PALD1: variants seen among roughly 807,000 people sequenced by gnomAD.
The protein encoded by PALD1 is phosphatase domain containing paladin 1, also known as paladin.
In PALD1, 57 loss-of-function variants were observed where a neutral mutation model predicts 96.0. The observed-to-expected ratio is 0.59, with a 90% CI of 0.48 to 0.74. The LOEUF is 0.74. Ranked by LOEUF, PALD1 falls within the 30% of genes least tolerant of loss-of-function variation. PALD1 has a pLI of 0.00. For missense variants in PALD1, 1,063 were observed against 1,143.7 expected, an observed-to-expected ratio of 0.93 and a Z score of 1.02; for synonymous variants, 464 against 473.6, an observed-to-expected ratio of 0.98 and a Z score of 0.26.
At chr10:70,490,090 T>C (rs1846075375) in intron 1 of PALD1, among the ~76,000 whole-genome samples, 1 of 152,094 alleles carries the variant, frequency 6.6e-6, no homozygotes, top group Admixed American at 6.5e-5. Context: ...GCCCAGCTAA[T>C]TTTTGTATTT....
At chr10:70,514,222 C>T (rs1200577059) in intron 1 of PALD1, among the ~76,000 whole-genome samples, 1 of 152,194 alleles carries the variant, frequency 6.6e-6, no homozygotes, top group Admixed American at 6.5e-5. Flanking sequence ...TCCTTCCTGC[C>T]AGGACTTGGC....
chr10:70,502,111 C>T (rs1205121316), intron 1 of PALD1, among the ~76,000 whole-genome samples: 1 of 152,158 alleles, frequency 6.6e-6, no homozygotes, highest in African/African-American at 2.4e-5. Context: ...CCAACCTGGG[C>T]AACATAGTGA....
At chr10:70,511,901 C>T (rs1177560673) in intron 1 of PALD1, among the ~76,000 whole-genome samples, 1 of 152,102 alleles carries the variant, frequency 6.6e-6, no homozygotes, top group Non-Finnish European at 1.5e-5. Context: ...GTGGCGGGTG[C>T]CTGTAGTCCC....
chr10:70,520,337 G>T (rs900452984), intron 1 of PALD1, among the ~76,000 whole-genome samples: 1 of 152,222 alleles, frequency 6.6e-6, no homozygotes, highest in African/African-American at 2.4e-5. Flanking sequence ...TAGATTCGAG[G>T]TGGGGAAACC....
At chr10:70,547,895 G>A (rs1055558477) in intron 18 of PALD1, among the ~76,000 whole-genome samples, 1 of 152,160 alleles carries the variant, frequency 6.6e-6, no homozygotes, top group Non-Finnish European at 1.5e-5. Context: ...CAACTAGCAC[G>A]GAGGCTGTCA....
intron 17 of PALD1, among the ~76,000 whole-genome samples, 182 bp downstream of exon 17, chr10:70,541,716 C>T (rs945671955): frequency 2.6e-5 from 4 of 152,210 alleles, no homozygotes; most frequent in Non-Finnish European, 4.4e-5. Flanking sequence ...GACAGCTTGG[C>T]TCTGAGGCCC....
chr10:70,517,318 G>T (rs1006782872), intron 1 of PALD1, among the ~76,000 whole-genome samples: 1 of 151,792 alleles, frequency 6.6e-6, no homozygotes, highest in East Asian at 1.9e-4. Context: ...TTCATACAAT[G>T]AAATTACCCC....
At chr10:70,544,018 C>A (rs747949075) in intron 17 of PALD1, among the ~76,000 whole-genome samples, 2 of 152,152 alleles carry the variant, frequency 1.3e-5, no homozygotes, top group Non-Finnish European at 2.9e-5. Flanking sequence ...CCTATCCTCA[C>A]CCACCCCCAG....
chr10:70,491,320 A>G (rs1173962386), intron 1 of PALD1, among the ~76,000 whole-genome samples: 1 of 152,168 alleles, frequency 6.6e-6, no homozygotes, highest in Non-Finnish European at 1.5e-5. Context: ...TGCTGTCAAC[A>G]TGCACATGGT....
At chr10:70,546,129 C>T (rs1847357660) in intron 17 of PALD1, among the ~76,000 whole-genome samples, 1 of 151,880 alleles carries the variant, frequency 6.6e-6, no homozygotes, top group African/African-American at 2.4e-5. Flanking sequence ...CCCAGCTACT[C>T]GGGAGGCTGA....
rs905655626 is a variant in PALD1 at position 70,567,078 on chromosome 10, C to G, written c.*345C>G. The stretch of plus-strand genomic sequence containing the variant: ...CCCAGTTGCCAAACACTGTGGATCT[C>G]TCTGTCCTCTTCTCCCCTCTCTCAG... On this transcript the variant is annotated 3_prime_UTR_variant, in exon 20 of 20. Coordinates refer to ENST00000263563, the MANE Select transcript of PALD1 (RefSeq NM_014431.3). 4.2e-6 allele frequency: 1 copy of G among 236,308 alleles called. No individual in the cohort carries two copies. Among genetic ancestry groups the G allele is most frequent in the Non-Finnish European group, 8.1e-6 (1 of 123,026 alleles). The allele number at this position is 236,308 out of a possible 1,614,324, so 14.6% of individuals were successfully genotyped here.
chr10:70,472,480 C>G, the PALD1 span, among the ~76,000 whole-genome samples: 1 of 152,118 alleles, frequency 6.6e-6, no homozygotes, highest in African/African-American at 2.4e-5. Flanking sequence ...GGGTTGGTCT[C>G]AAACTCCTGA....
At chr10:70,513,493 CAGTG>C (rs1469547155) in intron 1 of PALD1, among the ~76,000 whole-genome samples, 1 of 152,018 alleles carries the variant, frequency 6.6e-6, no homozygotes, top group Non-Finnish European at 1.5e-5. Flanking sequence ...CTGGGCGACA[CAGTG>C]AGAATCCATC....
At chr10:70,545,412 G>T (rs1011297086) in intron 17 of PALD1, among the ~76,000 whole-genome samples, 1 of 152,050 alleles carries the variant, frequency 6.6e-6, no homozygotes, top group Non-Finnish European at 1.5e-5. Flanking sequence ...GAAGGGTACT[G>T]CTGTGGAGGC....
At chr10:70,559,097 C>T (rs1223034261) in intron 18 of PALD1, among the ~76,000 whole-genome samples, 1 of 152,130 alleles carries the variant, frequency 6.6e-6, no homozygotes, top group Non-Finnish European at 1.5e-5. Flanking sequence ...CTCCTGGTCC[C>T]GCCAGCCTTA....
rs1226734994 is a variant in PALD1, at chr10:70,545,668, C to T, written c.2122-1638C>T. On this transcript the variant is annotated intron_variant, in intron 17 of 19. Coordinates refer to ENST00000263563, the MANE Select transcript of PALD1 (RefSeq NM_014431.3). ...GGCCAGGTTGGTCTTGAACTTCTGG[C>T]CTCAAGCGATCTCCCCACCTCGGCC... Among the ~76,000 whole-genome samples the T allele has an allele frequency of 2.6e-5, 4 of 152,008 alleles. No individual in the cohort carries two copies. In the East Asian group the frequency reaches 7.8e-4, roughly 30 times the overall value.
intron 1 of PALD1, among the ~76,000 whole-genome samples, chr10:70,521,664 T>C (rs1846738871): frequency 6.7e-6 from 1 of 150,324 alleles, no homozygotes; most frequent in African/African-American, 2.4e-5. Flanking sequence ...CCCGAGTAGC[T>C]GGGATTCCAG....
At chr10:70,461,622 C>A in the PALD1 span, among the ~76,000 whole-genome samples, 1 of 152,204 alleles carries the variant, frequency 6.6e-6, no homozygotes, top group African/African-American at 2.4e-5. Flanking sequence ...GTACCCATAG[C>A]AGTCCTCAGA....
intron 2 of PALD1, 110 bp from the exon 3 acceptor site, chr10:70,529,119 A>T (rs1846933192): frequency 1.6e-6 from 1 of 627,878 alleles, no homozygotes; most frequent in Admixed American, 2.3e-5. Context: ...TCTGCCACAA[A>T]TCGTAGCCAC....
Sources: allele counts gnomAD v4.1 joint callset (sites outside exome capture counted in the v4.1 genomes callset), GRCh38; gene constraint gnomAD v4.1.1; transcripts MANE v1.5; gene names NCBI Gene and HGNC (gene_info 2026-07-23, HGNC 2026-07-21).